The following ZNF516 variants were observed in gnomAD, a reference collection of about 807,000 sequenced individuals.
ZNF516 encodes zinc finger protein 516.
A neutral mutation model predicts 79.7 loss-of-function variants in ZNF516; 19 were observed. That is an observed-to-expected ratio of 0.24 (90% CI 0.17 to 0.35). ZNF516 has a LOEUF of 0.35. Ranked by LOEUF, ZNF516 falls within the 10% of genes least tolerant of loss-of-function variation. ZNF516 has a pLI of 1.00. For missense variants in ZNF516, 1,678 were observed against 1,679.5 expected, an observed-to-expected ratio of 1.00 and a Z score of 0.02; for synonymous variants, 877 against 739.5, an observed-to-expected ratio of 1.19 and a Z score of -3.02.
intron 1 of ZNF516, chr18:76,490,643 C>A: frequency 2.4e-6 from 1 of 416,666 alleles, no homozygotes; most frequent in Non-Finnish European, 3.2e-6. Flanking sequence ...TACTCCATAG[C>A]CCCATGGTGA....
At chr18:76,457,264 T>G (rs1912788622) in intron 2 of ZNF516, among the ~76,000 whole-genome samples, 1 of 152,246 alleles carries the variant, frequency 6.6e-6, no homozygotes, top group Non-Finnish European at 1.5e-5. Flanking sequence ...AAGCTTTCTC[T>G]CCTTCTTAAA....
intron 4 of ZNF516, among the ~76,000 whole-genome samples, chr18:76,373,909 C>G (rs981665868): frequency 6.6e-6 from 1 of 152,228 alleles, no homozygotes; most frequent in Non-Finnish European, 1.5e-5. Flanking sequence ...GAACTGAAGA[C>G]CACCTGGTAA....
chr18:76,496,219 G>A (rs1412059903), upstream of ZNF516: 5 of 1,228,880 alleles, frequency 4.1e-6, no homozygotes, highest in African/African-American at 6.2e-5. Flanking sequence ...CTTCACGGCC[G>A]GTGACGTAGA....
chr18:76,485,268 A>C (rs1414855384), intron 1 of ZNF516, among the ~76,000 whole-genome samples: 1 of 152,234 alleles, frequency 6.6e-6, no homozygotes, highest in African/African-American at 2.4e-5. Context: ...AAAGCTTTGA[A>C]ATGATTAATC....
intron 3 of ZNF516, among the ~76,000 whole-genome samples, chr18:76,382,730 G>A (rs938771133): frequency 6.6e-6 from 1 of 152,158 alleles, no homozygotes; most frequent in African/African-American, 2.4e-5. Context: ...GGCCAACATG[G>A]CAAAATGCTG....
chr18:76,413,469 A>G (rs1313255228), intron 3 of ZNF516, among the ~76,000 whole-genome samples: 1 of 152,204 alleles, frequency 6.6e-6, no homozygotes, highest in Non-Finnish European at 1.5e-5. Flanking sequence ...AGGAAGAGAA[A>G]AGGATCCAGG....
intron 2 of ZNF516, among the ~76,000 whole-genome samples, chr18:76,462,156 A>G (rs1223933866): frequency 6.6e-6 from 1 of 152,180 alleles, no homozygotes; most frequent in Non-Finnish European, 1.5e-5. Flanking sequence ...GCTGGTGACC[A>G]TGCCCACGGG....
At chr18:76,413,332 A>G (rs561943067) in intron 3 of ZNF516, among the ~76,000 whole-genome samples, 26 of 152,288 alleles carry the variant, frequency 1.7e-4, no homozygotes, top group African/African-American at 6.0e-4. Context: ...CACATATCTA[A>G]AATCCTTCTC....
intron 2 of ZNF516, among the ~76,000 whole-genome samples, chr18:76,457,805 T>C (rs1390507067): frequency 6.6e-6 from 1 of 152,164 alleles, no homozygotes; most frequent in Non-Finnish European, 1.5e-5. Flanking sequence ...ATAATCAACA[T>C]TTTTTTAAAC....
In ZNF516 at chr18:76,357,956, TA is replaced by T. The variant is rs1331445835; in HGVS notation, c.*4541del. Among the ~76,000 whole-genome samples the T allele has an allele frequency of 6.6e-6, 1 of 152,076 alleles. No homozygotes were observed. The highest frequency in any genetic ancestry group is 1.5e-5 in the Non-Finnish European group (1 of 68,016). ...AATGAGAAAAACACAGCGTCTCCAT[TA>T]AAAAACTGTATGTCCTCGAGTCCAC... On this transcript the variant is annotated 3_prime_UTR_variant, in exon 7 of 7. Transcript: ENST00000443185.
At chr18:76,436,895 C>G (rs2075745923) in intron 3 of ZNF516, among the ~76,000 whole-genome samples, 1 of 152,118 alleles carries the variant, frequency 6.6e-6, no homozygotes, top group South Asian at 2.1e-4. Flanking sequence ...TGGCAAAACC[C>G]CATGTCTACC....
At chr18:76,378,810 G>A in intron 4 of ZNF516, 45 bp downstream of exon 4, 3 of 1,579,942 alleles carry the variant, frequency 1.9e-6, no homozygotes, top group Non-Finnish European at 2.6e-6. Context: ...GGGTGGTTCT[G>A]GGGGTCACAT....
Position 76,493,107 on chromosome 18 carries a change from T to C in ZNF516, c.-272+2037A>G. 1.0e-6 allele frequency: 1 copy of C among 985,062 alleles called. No homozygotes were observed. The highest frequency in any genetic ancestry group is 1.2e-6 in the Non-Finnish European group (1 of 829,758). The allele number at this position is 985,062 out of a possible 1,614,324, so 61.0% of individuals were successfully genotyped here. Reference sequence around the variant, plus strand: ...CGCAAAGCTGTTTCCTTTTTTTTTTTTCCTCCTCTCCTCCCTACCGTTTCA... The same window carrying C: ...CGCAAAGCTGTTTCCTTTTTTTTTTCTCCTCCTCTCCTCCCTACCGTTTCA... On this transcript the variant is annotated intron_variant, in intron 1 of 6. Transcript: ENST00000443185. This position sits in a 1 kb window ranked among gnomAD's most constrained non-coding sequence, Gnocchi z 5.2.
At chr18:76,405,806 T>G (rs1459591868) in intron 3 of ZNF516, among the ~76,000 whole-genome samples, 1 of 152,032 alleles carries the variant, frequency 6.6e-6, no homozygotes, top group East Asian at 2.0e-4. Context: ...TGATGACGGC[T>G]GCCCCTCCCC....
intron 3 of ZNF516, among the ~76,000 whole-genome samples, chr18:76,401,111 C>T (rs538094565): frequency 2.0e-5 from 3 of 152,222 alleles, no homozygotes; most frequent in African/African-American, 4.8e-5. Flanking sequence ...ATTATTGGAA[C>T]GCTAAGCTCA....
Position 76,441,937 on chromosome 18 carries a change from G to A in ZNF516, c.1118C>T (p.Ala373Val), listed in dbSNP as rs1568296157. The A allele has an allele frequency of 5.6e-6, 9 of 1,609,558 alleles. No homozygotes were observed. Among genetic ancestry groups the A allele is most frequent in the African/African-American group, 1.3e-5 (1 of 74,850 alleles). The change falls in exon 3 of 7, where the codon GCG (alanine) becomes GTG (valine). Residue 373 changes from alanine (A) to valine (V), a missense_variant. Physicochemically the swap from Ala to Val is moderately conservative, Grantham distance 64. Transcript: ENST00000443185. ...CTGCTTGGTGTCCGAGGGCCCCTCC[G>A]CCCCCTCCTCGGCCGGGGCGCGCGT... ...SRTRAPAEEGAEGPSDTKQFF... is the reference protein window; with the variant it reads ...SRTRAPAEEGVEGPSDTKQFF...
intron 1 of ZNF516, among the ~76,000 whole-genome samples, chr18:76,486,881 G>A (rs1204004382): frequency 2.6e-5 from 4 of 151,988 alleles, no homozygotes; most frequent in Non-Finnish European, 5.9e-5. Flanking sequence ...TCGGGGGGAA[G>A]GTACAGAAAC....
chr18:76,396,402 T>TCAGA (rs1170334315), intron 3 of ZNF516, among the ~76,000 whole-genome samples: 2 of 152,292 alleles, frequency 1.3e-5, no homozygotes, highest in Non-Finnish European at 1.5e-5. Context: ...CGACGCTGTC[T>TCAGA]CAGAACTCAG....
intron 2 of ZNF516, among the ~76,000 whole-genome samples, chr18:76,447,584 T>G (rs886475283): frequency 2.6e-5 from 4 of 152,174 alleles, no homozygotes; most frequent in Non-Finnish European, 5.9e-5. Context: ...CCACAGGGAA[T>G]ACGGAAAGGT....
Sources: allele counts gnomAD v4.1 joint callset (sites outside exome capture counted in the v4.1 genomes callset), GRCh38; gene constraint gnomAD v4.1.1; non-coding constraint Gnocchi (gnomAD v3.1); transcripts MANE v1.5; gene names NCBI Gene and HGNC (gene_info 2026-07-23, HGNC 2026-07-21).